Variants in ITPR1 observed in about 807,000 individuals in gnomAD.
ITPR1 encodes the protein inositol 1,4,5-trisphosphate-gated calcium channel ITPR1.
ITPR1 carries 96 observed loss-of-function variants against 318.4 expected under a neutral mutation model. The ratio of observed to expected loss-of-function variants is 0.30; its 90% confidence interval spans 0.26 to 0.36. The LOEUF is 0.36. ITPR1 is among the 10% of genes least tolerant of loss of function. ITPR1 has a pLI of 1.00. For missense variants in ITPR1, 2,440 were observed against 3,460.2 expected, an observed-to-expected ratio of 0.71 and a Z score of 7.40; for synonymous variants, 1,312 against 1,289.9, an observed-to-expected ratio of 1.02 and a Z score of -0.37.
chr3:4,661,710 G>T (rs1309902842), intron 14 of ITPR1, among the ~76,000 whole-genome samples: 2 of 152,166 alleles, frequency 1.3e-5, no homozygotes, highest in African/African-American at 4.8e-5. Flanking sequence ...AAATAATGGT[G>T]CAGTGTCTAT....
At position 4,642,212 on chromosome 3, in the gene ITPR1, T is replaced by C. The variant is rs1399308891; in HGVS notation, c.486T>C (p.Tyr162=). The C allele has an allele frequency of 2.5e-6, 4 of 1,589,916 alleles. No individual in the cohort carries two copies. The highest frequency in any genetic ancestry group is 2.7e-5 in the African/African-American group (2 of 73,260). The change falls in exon 7 of 62, where the codon TAT becomes TAC. Residue 162 remains tyrosine (Y), a synonymous_variant. Transcript: ENST00000649015. The part of the protein sequence containing the change: ...DEAGNEGSWF[Y]IQPFYKLRSI... The stretch of plus-strand genomic sequence containing the variant: ...CTGGAAATGAAGGGTCCTGGTTTTA[T>C]ATTCAGCCATTCTACAAGCTGCGAT...
chr3:4,603,078 C>G (rs2125085777), intron 4 of ITPR1, among the ~76,000 whole-genome samples: 1 of 151,914 alleles, frequency 6.6e-6, no homozygotes, highest in Non-Finnish European at 1.5e-5. Context: ...CAACAGGCAT[C>G]AAATAAAATA....
In ITPR1 at chr3:4,635,634, T is replaced by C. The variant is rs149579027; in HGVS notation, c.280-3750T>C. On this transcript the variant is annotated intron_variant, in intron 5 of 61. Transcript: ENST00000649015. Reference sequence around the variant, plus strand: ...TGCTGGGATTACAGGCATGAGCCACTGCGCCCAGCCAAAAGGTGCTAACTC... The same window carrying C: ...TGCTGGGATTACAGGCATGAGCCACCGCGCCCAGCCAAAAGGTGCTAACTC... Among the ~76,000 whole-genome samples the C allele has an allele frequency of 1.4e-3, 218 of 151,446 alleles. 4 individuals are homozygous for C. The East Asian group carries it at 0.024, about 17-fold the overall frequency.
At chr3:4,643,608 G>A (rs967812613) in intron 7 of ITPR1, among the ~76,000 whole-genome samples, 1 of 140,972 alleles carries the variant, frequency 7.1e-6, no homozygotes, top group Non-Finnish European at 1.5e-5. Flanking sequence ...TGGGGGGGGG[G>A]TAACTTTTGT....
At chr3:4,636,833 A>C in intron 5 of ITPR1, among the ~76,000 whole-genome samples, 1 of 152,232 alleles carries the variant, frequency 6.6e-6, no homozygotes, top group Non-Finnish European at 1.5e-5. Flanking sequence ...ACAAATGACT[A>C]TGCTCTTTAG....
Position 4,788,279 on chromosome 3 carries a change from A to G in ITPR1, c.6808+140A>G. ...TACTTTGCACCTCTGACCACCAGGA[A>G]GTCATAACCAGTTTTGCAGCTGATC... On this transcript the variant is annotated intron_variant, in intron 52 of 61. Transcript: ENST00000649015. 4 of 691,334 alleles carry G rather than the reference A, an allele frequency of 5.8e-6. No homozygotes were observed. In the South Asian group the frequency reaches 8.3e-5, roughly 14 times the overall value. The allele number at this position is 691,334 out of a possible 1,614,324, so 42.8% of individuals were successfully genotyped here.
At chr3:4,831,959 A>G (rs1336497721) in intron 60 of ITPR1, among the ~76,000 whole-genome samples, 2 of 152,240 alleles carry the variant, frequency 1.3e-5, no homozygotes, top group African/African-American at 2.4e-5. Flanking sequence ...ATACCACACT[A>G]GAGCCTGTCC....
intron 40 of ITPR1, among the ~76,000 whole-genome samples, chr3:4,719,800 A>C (rs142780729): frequency 1.7e-3 from 253 of 152,232 alleles, no homozygotes; most frequent in African/African-American, 5.7e-3. Flanking sequence ...TGCATTCTAG[A>C]ATAAAATTTT....
At chr3:4,716,202 G>C in intron 39 of ITPR1, among the ~76,000 whole-genome samples, 1 of 152,114 alleles carries the variant, frequency 6.6e-6, no homozygotes, top group East Asian at 1.9e-4. Context: ...TTTAAACCAT[G>C]TCTGTGTTGA....
At chr3:4,813,313 A>C in intron 57 of ITPR1, 79 bp downstream of exon 57, 1 of 995,672 alleles carries the variant, frequency 1.0e-6, no homozygotes, top group Admixed American at 2.2e-5. Flanking sequence ...ATGTTGGAAG[A>C]AGATTAAATT....
intron 10 of ITPR1, chr3:4,646,007 A>T: frequency 5.7e-6 from 2 of 349,574 alleles, no homozygotes; most frequent in Non-Finnish European, 5.3e-6. Flanking sequence ...ATTTGTGCAG[A>T]AGGAAAGAAT....
chr3:4,642,367 A>G (rs2093357107), intron 7 of ITPR1, 116 bp downstream of exon 7: 3 of 712,024 alleles, frequency 4.2e-6, no homozygotes, highest in Non-Finnish European at 6.0e-6. Flanking sequence ...TCCTGTGTAA[A>G]GAGAAGGGAA....
At chr3:4,632,334 T>C (rs1472498673) in intron 5 of ITPR1, among the ~76,000 whole-genome samples, 1 of 152,218 alleles carries the variant, frequency 6.6e-6, no homozygotes, top group Non-Finnish European at 1.5e-5. Flanking sequence ...CTCCAACTCT[T>C]TCCTCTCCTA....
chr3:4,798,556 A>G (rs2048032651), intron 53 of ITPR1, among the ~76,000 whole-genome samples: 1 of 152,258 alleles, frequency 6.6e-6, no homozygotes, highest in Admixed American at 6.5e-5. Flanking sequence ...TGTCTTTTAA[A>G]GTTAAACATA....
intron 34 of ITPR1, among the ~76,000 whole-genome samples, chr3:4,698,307 A>G (rs1405201146): frequency 6.6e-6 from 1 of 152,054 alleles, no homozygotes; most frequent in Non-Finnish European, 1.5e-5. Flanking sequence ...AGAAGCCTAT[A>G]AGAACTTATT....
intron 2 of ITPR1, among the ~76,000 whole-genome samples, chr3:4,510,180 G>A (rs937492040): frequency 7.2e-5 from 11 of 152,164 alleles, no homozygotes; most frequent in Non-Finnish European, 1.2e-4. Context: ...CAGGCTGAGA[G>A]ACAGCATGTG....
At chr3:4,795,018 C>T (rs1211188366) in intron 52 of ITPR1, 47 bp from the exon 53 acceptor site, 13 of 1,517,158 alleles carry the variant, frequency 8.6e-6, no homozygotes, top group Middle Eastern at 2.1e-4. Context: ...CCTGGCGTTC[C>T]GGCTTGGGGT....
At chr3:4,625,423 C>A (rs1209926082) in intron 4 of ITPR1, among the ~76,000 whole-genome samples, 2 of 152,098 alleles carry the variant, frequency 1.3e-5, no homozygotes, top group African/African-American at 2.4e-5. Context: ...CTGTTCAAGG[C>A]ACTTTAAGGG....
chr3:4,733,204 C>A lies in ITPR1; in HGVS notation c.5337C>A (p.Gly1779=), dbSNP rs372981054. Residue 1779 remains glycine (G), a synonymous_variant, in exon 43 of 62, where the codon GGC becomes GGA. Coordinates refer to ENST00000649015, the MANE Select transcript of ITPR1 (RefSeq NM_001378452.1). The part of the protein sequence containing the change: ...GNGPLSAGGP[G]KPGGGGGGSG... Reference sequence around the variant, plus strand: ...GCCCACTGTCAGCAGGAGGACCCGGCAAGCCCGGGGGAGGAGGTACGCTTT... The same window carrying A: ...GCCCACTGTCAGCAGGAGGACCCGGAAAGCCCGGGGGAGGAGGTACGCTTT... 4.3e-6 allele frequency: 7 copies of A among 1,613,860 alleles called. No homozygotes were observed. In the African/African-American group the frequency reaches 5.3e-5, roughly 12 times the overall value.
Sources: gnomAD v4.1 joint callset for allele counts (sites outside exome capture counted in the v4.1 genomes callset) on GRCh38, gnomAD v4.1.1 for gene constraint, MANE v1.5 for transcripts, NCBI Gene and HGNC (gene_info 2026-07-23, HGNC 2026-07-21) for gene names.